KALRN: variants seen among roughly 807,000 people sequenced by gnomAD.
KALRN encodes kalirin.
In KALRN, 70 loss-of-function variants were observed where a neutral mutation model predicts 353.7. That is an observed-to-expected ratio of 0.20 (90% CI 0.16 to 0.24). The LOEUF is 0.24. Among genes scored for constraint, KALRN ranks in the 10% least tolerant of loss-of-function variants. KALRN has a pLI of 1.00. For missense variants in KALRN, 2,791 were observed against 3,756.7 expected (o/e 0.74, Z 6.72); for synonymous variants, 1,391 against 1,434.8 (o/e 0.97, Z 0.69).
chr3:124,388,527 A>G (rs539526160), intron 11 of KALRN, among the ~76,000 whole-genome samples: 4 of 152,336 alleles, frequency 2.6e-5, no homozygotes, highest in Admixed American at 6.5e-5. Flanking sequence ...GAGGTGCTCA[A>G]TAAGTATTGA....
chr3:124,104,523 T>C (rs2062127185), intron 1 of KALRN, among the ~76,000 whole-genome samples: 1 of 152,040 alleles, frequency 6.6e-6, no homozygotes, highest in South Asian at 2.1e-4. Flanking sequence ...AGAGTTAAGG[T>C]TGGAGGGACA....
chr3:124,720,184 A>G lies in KALRN; in HGVS notation c.*714A>G, dbSNP rs1483919318. ...GAAAGCAATGTTGCCCTTTTGAATGAGAAAATTTTTTCTGTCAATCGCAGG... is the reference window on the plus strand; with the variant it reads ...GAAAGCAATGTTGCCCTTTTGAATGGGAAAATTTTTTCTGTCAATCGCAGG... On this transcript the variant is annotated 3_prime_UTR_variant, in exon 60 of 60. Transcript: ENST00000682506. 1.3e-5 allele frequency: 2 copies of G among 152,622 alleles called. No homozygotes were observed. The highest frequency in any genetic ancestry group is 4.8e-5 in the African/African-American group (2 of 41,454). 9.5% of individuals were successfully genotyped at this position (152,622 alleles called of 1,614,324 possible). A position where few individuals can be genotyped will look rare whatever the true frequency, so the allele number is the denominator to read the frequency against.
intron 10 of KALRN, among the ~76,000 whole-genome samples, chr3:124,384,000 T>C (rs1397582748): frequency 2.6e-5 from 4 of 152,172 alleles, no homozygotes; most frequent in African/African-American, 4.8e-5. Flanking sequence ...AGTCAGGACA[T>C]ATCAGGAGAC....
intron 15 of KALRN, among the ~76,000 whole-genome samples, chr3:124,424,953 T>C (rs1375404049): frequency 6.6e-6 from 1 of 152,140 alleles, no homozygotes. Context: ...GGTCCTACAG[T>C]TTGCCTCTGC....
At chr3:124,304,014 A>T (rs2077473078) in intron 6 of KALRN, among the ~76,000 whole-genome samples, 1 of 152,096 alleles carries the variant, frequency 6.6e-6, no homozygotes, top group African/African-American at 2.4e-5. Context: ...ACCTTGCCCC[A>T]AGCCCTCTGT....
rs552232105 is a variant in KALRN at position 124,532,931 on chromosome 3, T to A, written c.4936-29912T>A. Among the ~76,000 whole-genome samples the A allele has an allele frequency of 4.5e-3, 669 of 148,964 alleles. 4 individuals are homozygous for A. The highest frequency in any genetic ancestry group is 0.016 in the African/African-American group (653 of 40,368). Reference sequence around the variant, plus strand: ...TAGTTCTTACCAATAATTCCATGACTTTTATGGGAAAAAAAAAAAACAAAT... The same window carrying A: ...TAGTTCTTACCAATAATTCCATGACATTTATGGGAAAAAAAAAAAACAAAT... On this transcript the variant is annotated intron_variant, in intron 33 of 59. Coordinates refer to ENST00000682506, the MANE Select transcript of KALRN (RefSeq NM_001388419.1).
At chr3:124,319,954 A>G (rs892391243) in intron 6 of KALRN, among the ~76,000 whole-genome samples, 15 of 152,078 alleles carry the variant, frequency 9.9e-5, no homozygotes, top group African/African-American at 3.6e-4. Flanking sequence ...AGATTGTGCT[A>G]CTACACTCCA....
Position 124,520,027 on chromosome 3 carries a change from A to T in KALRN, c.4935+23614A>T, listed in dbSNP as rs73189509. ...CACTGCAATTGCAGCACTAATGAGA[A>T]TCATATCAACCACAGCAATTTTGTC... is the stretch of plus-strand genomic sequence containing the variant. On this transcript the variant is annotated intron_variant, in intron 33 of 59. Coordinates refer to ENST00000682506, the MANE Select transcript of KALRN (RefSeq NM_001388419.1). 8.1e-3 allele frequency among the ~76,000 whole-genome samples: 1,235 copies of T among 152,244 alleles called. 12 individuals are homozygous for T. The highest frequency in any genetic ancestry group is 0.013 in the Non-Finnish European group (904 of 68,026).
intron 49 of KALRN, among the ~76,000 whole-genome samples, chr3:124,675,607 G>A (rs1263203278): frequency 9.4e-6 from 1 of 106,938 alleles, no homozygotes; most frequent in Non-Finnish European, 1.9e-5. Context: ...AAGTATTTTT[G>A]TTGCTGAAGT....
At chr3:124,267,075 G>A (rs1157888568) in intron 4 of KALRN, among the ~76,000 whole-genome samples, 1 of 152,144 alleles carries the variant, frequency 6.6e-6, no homozygotes, top group East Asian at 1.9e-4. Flanking sequence ...CCCAATCAAA[G>A]GAATATTTAT....
At chr3:124,686,196 T>C (rs2061550506) in intron 51 of KALRN, among the ~76,000 whole-genome samples, 2 of 152,250 alleles carry the variant, frequency 1.3e-5, no homozygotes, top group South Asian at 2.1e-4. Flanking sequence ...GAGCCATTTA[T>C]TCATTCTGTG....
chr3:124,038,323 G>A (rs2149061642), intron 1 of KALRN, among the ~76,000 whole-genome samples: 1 of 152,246 alleles, frequency 6.6e-6, no homozygotes, highest in Middle Eastern at 3.4e-3. Flanking sequence ...TTGGGGTGGT[G>A]AGTGGGAATC....
intron 10 of KALRN, among the ~76,000 whole-genome samples, chr3:124,358,728 T>C (rs1052124566): frequency 3.3e-5 from 5 of 152,206 alleles, no homozygotes; most frequent in African/African-American, 1.2e-4. Flanking sequence ...TCTCACAACA[T>C]CCCATGAGTT....
At chr3:124,658,049 G>C (rs868777633) in intron 41 of KALRN, among the ~76,000 whole-genome samples, 2 of 152,176 alleles carry the variant, frequency 1.3e-5, no homozygotes, top group Non-Finnish European at 2.9e-5. Flanking sequence ...AGCCACTTGG[G>C]GGGGCGGAGG....
At chr3:124,109,707 TATATATG>T (rs1436022415) in intron 1 of KALRN, among the ~76,000 whole-genome samples, 27 of 148,822 alleles carry the variant, frequency 1.8e-4, no homozygotes, top group African/African-American at 6.5e-4. Context: ...TACTTTGATA[TATATATG>T]ACATATATAT....
At chr3:124,043,444 G>T (rs1433118219) in intron 1 of KALRN, among the ~76,000 whole-genome samples, 2 of 152,218 alleles carry the variant, frequency 1.3e-5, no homozygotes, top group East Asian at 1.9e-4. Flanking sequence ...GATTGAGGAA[G>T]GTCCTGGATG....
chr3:124,146,879 A>AAAC (rs1296031409), intron 1 of KALRN, among the ~76,000 whole-genome samples: 2 of 150,046 alleles, frequency 1.3e-5, no homozygotes, highest in African/African-American at 4.9e-5. Context: ...TGTCTCAAAA[A>AAAC]AAAAAAAAAA....
intron 51 of KALRN, 62 bp downstream of exon 51, chr3:124,679,579 A>G (rs1298614813): frequency 2.2e-6 from 3 of 1,365,400 alleles, no homozygotes; most frequent in Non-Finnish European, 3.1e-6. Context: ...GTGTTCTGTA[A>G]CAGTGACCTT....
At chr3:124,418,482 C>T (rs559832157) in intron 14 of KALRN, among the ~76,000 whole-genome samples, 1 of 152,134 alleles carries the variant, frequency 6.6e-6, no homozygotes, top group East Asian at 1.9e-4. Flanking sequence ...GGGAGTGACA[C>T]AGACAGAGGA....
Sources: allele counts gnomAD v4.1 joint callset (sites outside exome capture counted in the v4.1 genomes callset), GRCh38; gene constraint gnomAD v4.1.1; transcripts MANE v1.5; gene names NCBI Gene and HGNC (gene_info 2026-07-23, HGNC 2026-07-21).